MAGEA11: variants seen among roughly 807,000 people sequenced by gnomAD.
MAGEA11 encodes the protein melanoma-associated antigen 11.
MAGEA11 carries 1 observed loss-of-function variant against 8.4 expected under a neutral mutation model. The observed-to-expected ratio is 0.12, with a 90% CI of 0.04 to 0.57. The LOEUF (loss-of-function observed/expected upper bound fraction) is 0.57, where lower values mean the gene tolerates loss of function less well. Among genes scored for constraint, MAGEA11 ranks in the 20% least tolerant of loss-of-function variants. The pLI, the probability that MAGEA11 is intolerant of heterozygous loss-of-function variation, is 0.91. For synonymous variants in MAGEA11, 127 were observed against 119.3 expected, an observed-to-expected ratio of 1.06 and a Z score of -0.42; for missense variants, 209 against 317.3, an observed-to-expected ratio of 0.66 and a Z score of 2.59.
chrX:149,705,308 T>G (rs2090372424), intron 1 of MAGEA11, among the ~76,000 whole-genome samples: 1 of 111,593 alleles, frequency 9.0e-6, no homozygotes, highest in African/African-American at 3.3e-5. Flanking sequence ...TATGCTGTTC[T>G]CGTGATAGTG....
upstream of MAGEA11, chrX:149,712,015 G>C: frequency 4.0e-6 from 3 of 751,286 alleles, no homozygotes; most frequent in Non-Finnish European, 4.7e-6. Flanking sequence ...CGCTCCTGCT[G>C]TAAATCCAGG....
intron 1 of MAGEA11, among the ~76,000 whole-genome samples, chrX:149,695,732 A>G (rs1337031480): frequency 8.9e-6 from 1 of 112,530 alleles, no homozygotes; most frequent in Non-Finnish European, 1.9e-5. Context: ...CTGCAATAAA[A>G]ATGACAATAA....
Position 149,697,440 on chromosome X carries a change from A to T in MAGEA11, c.9+8456A>T, listed in dbSNP as rs1266046338. On this transcript the variant is annotated intron_variant, in intron 1 of 3. Coordinates refer to the MAGEA11 transcript ENST00000333104. ...CCCAGGCCAGCGGCAGCCCCATTGT[A>T]ATTCGCCTGGGCCTATGAGTCTGAG... is the stretch of plus-strand genomic sequence containing the variant. Among the ~76,000 whole-genome samples, 3 of 110,711 alleles carry T rather than the reference A, an allele frequency of 2.7e-5. No homozygotes were observed. The Admixed American group carries it at 2.9e-4, about 11-fold the overall frequency.
chrX:149,712,966 G>A (rs2090409046), intron 1 of MAGEA11, among the ~76,000 whole-genome samples, 177 bp from the exon 2 acceptor site: 1 of 112,230 alleles, frequency 8.9e-6, no homozygotes, highest in South Asian at 3.7e-4. Context: ...TCCGCATCCT[G>A]GGCTGACAGA....
chrX:149,694,688 A>C (rs781801879), intron 1 of MAGEA11, among the ~76,000 whole-genome samples: 4 of 108,841 alleles, frequency 3.7e-5, no homozygotes, highest in African/African-American at 1.3e-4. Flanking sequence ...TTTTCTCTTT[A>C]TTTCTTTTCT....
chrX:149,711,788 C>G (rs2090401478), upstream of MAGEA11: 1 of 749,736 alleles, frequency 1.3e-6, no homozygotes, highest in African/African-American at 2.3e-5. Flanking sequence ...AGACTTGGTC[C>G]GAGAGGAGCA....
At chrX:149,699,647 A>G (rs1259982435) in intron 1 of MAGEA11, among the ~76,000 whole-genome samples, 1 of 111,622 alleles carries the variant, frequency 9.0e-6, no homozygotes, top group Non-Finnish European at 1.9e-5. Flanking sequence ...TTGTGTTCCC[A>G]ACTTGAGAAG....
chrX:149,709,378 C>T (rs925279829), upstream of MAGEA11, among the ~76,000 whole-genome samples: 11 of 111,368 alleles, frequency 9.9e-5, no homozygotes, highest in African/African-American at 3.6e-4. Flanking sequence ...GTTCAAGCCA[C>T]CCACAAATGA....
chrX:149,690,593 A>C (rs1171566608), intron 1 of MAGEA11, among the ~76,000 whole-genome samples: 1 of 112,645 alleles, frequency 8.9e-6, no homozygotes, highest in Non-Finnish European at 1.9e-5. Context: ...TTGCATTTAC[A>C]TATGTTGTAA....
intron 1 of MAGEA11, among the ~76,000 whole-genome samples, chrX:149,694,318 T>C (rs909971435): frequency 8.9e-6 from 1 of 112,474 alleles, no homozygotes; most frequent in African/African-American, 3.2e-5. Flanking sequence ...TGACTAACGA[T>C]GTTGAGCACC....
At chrX:149,712,736 C>A (rs1468440108) in intron 1 of MAGEA11, among the ~76,000 whole-genome samples, 1 of 112,306 alleles carries the variant, frequency 8.9e-6, no homozygotes, top group Admixed American at 9.3e-5. Context: ...CTGACACCCC[C>A]CTCGGCTTCT....
intron 1 of MAGEA11, among the ~76,000 whole-genome samples, chrX:149,704,242 G>T (rs2090366364): frequency 8.9e-6 from 1 of 112,131 alleles, no homozygotes; most frequent in Non-Finnish European, 1.9e-5. Context: ...AGGATAAAGG[G>T]TGTGAAGATG....
intron 1 of MAGEA11, among the ~76,000 whole-genome samples, chrX:149,701,230 G>T (rs1447964470): frequency 9.4e-6 from 1 of 106,077 alleles, no homozygotes; most frequent in Non-Finnish European, 2.0e-5. Context: ...AGCACCTGTT[G>T]TTTCCTGACT....
upstream of MAGEA11, chrX:149,711,903 C>G (rs2090402072): frequency 1.7e-6 from 1 of 575,168 alleles, no homozygotes; most frequent in Non-Finnish European, 2.1e-6. Flanking sequence ...CATCTGCACC[C>G]CTCGCCACTA....
At chrX:149,688,949 G>C (rs781834958) in exon 1 of MAGEA11, 2 of 1,024,440 alleles carry the variant, frequency 2.0e-6, no homozygotes, top group African/African-American at 3.9e-5. Context: ...ACTGATGGCT[G>C]ACCATTGATA....
chrX:149,716,461 G>A lies in MAGEA11; in HGVS notation c.975G>A (p.Glu325=). 8.3e-6 allele frequency: 10 copies of A among 1,211,356 alleles called. No homozygotes were observed. The highest frequency in any genetic ancestry group is 1.1e-5 in the Non-Finnish European group (10 of 895,036). The change falls in exon 5 of 5, where the codon GAG becomes GAA. Residue 325 remains glutamate (E), a synonymous_variant. Coordinates refer to ENST00000355220, the MANE Select transcript of MAGEA11 (RefSeq NM_005366.5). ...TAGTCCTGGGTGTAATCTTCATGGA[G>A]GGGAACTGCATCCCTGAAGAGGTTA... The part of the protein sequence containing the change: ...LIIVLGVIFM[E]GNCIPEEVMW...
upstream of MAGEA11, among the ~76,000 whole-genome samples, chrX:149,707,480 T>C (rs1346969600): frequency 8.9e-6 from 1 of 112,192 alleles, no homozygotes; most frequent in Non-Finnish European, 1.9e-5. Flanking sequence ...CTCAGTAAAG[T>C]GTCTTATCCT....
chrX:149,702,738 G>T (rs2124291769), intron 1 of MAGEA11, among the ~76,000 whole-genome samples: 1 of 111,232 alleles, frequency 9.0e-6, no homozygotes, highest in South Asian at 3.8e-4. Context: ...TATTACATAT[G>T]TATTTTTCCT....
chrX:149,715,526 C>T, intron 3 of MAGEA11, 78 bp from the exon 4 acceptor site: 3 of 701,709 alleles, frequency 4.3e-6, no homozygotes, highest in African/African-American at 4.2e-5. Context: ...GCAACCTCAC[C>T]TGCCCTACCT....
Sources: gnomAD v4.1 joint callset for allele counts (sites outside exome capture counted in the v4.1 genomes callset) on GRCh38, gnomAD v4.1.1 for gene constraint, MANE v1.5 for transcripts, NCBI Gene and HGNC (gene_info 2026-07-23, HGNC 2026-07-21) for gene names.